The following DEPDC5 variants were observed in gnomAD, a reference collection of about 807,000 sequenced individuals.
The protein encoded by DEPDC5 is GATOR1 complex protein DEPDC5.
DEPDC5 carries 73 observed loss-of-function variants against 217.3 expected under a neutral mutation model. The ratio of observed to expected loss-of-function variants is 0.34; its 90% CI spans 0.28 to 0.41. The LOEUF (loss-of-function observed/expected upper bound fraction) is 0.41. DEPDC5 is among the 10% of genes least tolerant of loss of function. The probability of loss-of-function intolerance (pLI) is 1.00; values close to 1 mark genes in which losing one functional copy is unlikely to be tolerated. For missense variants in DEPDC5, 1,675 were observed against 2,070.1 expected, an observed-to-expected ratio of 0.81 and a Z score of 3.70; for synonymous variants, 733 against 756.7, an observed-to-expected ratio of 0.97 and a Z score of 0.51.
At chr22:31,797,060 CTT>C (rs113613358) in intron 12 of DEPDC5, among the ~76,000 whole-genome samples, 2 of 129,134 alleles carry the variant, frequency 1.5e-5, no homozygotes, top group African/African-American at 2.8e-5. Context: ...CTCACTGAAT[CTT>C]TTTTTTTTTT....
At chr22:31,795,787 A>G (rs1162811179) in intron 12 of DEPDC5, among the ~76,000 whole-genome samples, 2 of 148,732 alleles carry the variant, frequency 1.3e-5, no homozygotes, top group South Asian at 2.1e-4. Flanking sequence ...CTGGAGTGCA[A>G]TGACACGATC....
At chr22:31,795,319 C>T (rs533117715) in intron 12 of DEPDC5, among the ~76,000 whole-genome samples, 77 of 151,948 alleles carry the variant, frequency 5.1e-4, no homozygotes, top group Admixed American at 5.9e-4. Flanking sequence ...ATCCACCGCC[C>T]TCAGCCACCT....
chr22:31,845,236 G>T lies in DEPDC5; in HGVS notation c.3020G>T (p.Arg1007Leu). ...RRRHRSDRMMRKGTAMKGLQM... is the reference protein window; with the variant it reads ...RRRHRSDRMMLKGTAMKGLQM... Reference sequence around the variant, plus strand: ...CGGCATCGCTCGGATCGCATGATGCGGGTAAGGGCTCCTTAGACTCAGGGA... The same window carrying T: ...CGGCATCGCTCGGATCGCATGATGCTGGTAAGGGCTCCTTAGACTCAGGGA... Residue 1007 changes from arginine (R) to leucine (L), a missense_variant and splice_region_variant, in exon 30 of 43, where the codon CGG becomes CTG. Around this residue, in one of 11 missense-constraint regions of DEPDC5, gnomAD observed 293 missense variants for 386.1 expected, o/e 0.76. Coordinates refer to ENST00000651528, the MANE Select transcript of DEPDC5 (RefSeq NM_001242896.3). The T allele has an allele frequency of 1.2e-6, 2 of 1,612,800 alleles. No individual in the cohort carries two copies. The highest frequency in any genetic ancestry group is 1.7e-6 in the Non-Finnish European group (2 of 1,179,444).
chr22:31,769,541 A>G (rs1322521290), intron 7 of DEPDC5: 1 of 152,176 alleles, frequency 6.6e-6, no homozygotes, highest in Non-Finnish European at 1.5e-5. Flanking sequence ...CTTTTTAACT[A>G]TATTGCTGTA....
Position 31,833,927 on chromosome 22 carries a change from G to T in DEPDC5, c.2117G>T (p.Arg706Met), listed in dbSNP as rs1064795377. 1 of 1,594,492 alleles carries T rather than the reference G, an allele frequency of 6.3e-7. No individual in the cohort carries two copies. Among genetic ancestry groups the T allele is most frequent in the Non-Finnish European group, 8.6e-7 (1 of 1,168,736 alleles). ...LSNSGAGMNP[R>M]TQNKDSLEDS... ...TATCTTTCCATAGGTATGAATCCTA[G>T]GACCCAGAATAAGGATTCTCTAGAG... The change falls in exon 25 of 43, where the codon AGG becomes ATG. Residue 706 changes from arginine (R) to methionine (M), a missense_variant. Arg to Met is a moderately conservative substitution (Grantham distance 91). Transcript: ENST00000651528.
At chr22:31,879,255 C>T (rs1257513754) in intron 37 of DEPDC5, among the ~76,000 whole-genome samples, 1 of 151,628 alleles carries the variant, frequency 6.6e-6, no homozygotes, top group Admixed American at 6.6e-5. Flanking sequence ...AGTTCCTGAC[C>T]ATTTTCATCA....
At chr22:31,778,255 C>T (rs2084085070) in intron 8 of DEPDC5, 87 bp downstream of exon 8, 2 of 1,360,622 alleles carry the variant, frequency 1.5e-6, no homozygotes, top group East Asian at 4.7e-5. Context: ...AAGGGCGGGG[C>T]AGGACACCAA....
intron 7 of DEPDC5, among the ~76,000 whole-genome samples, chr22:31,773,346 C>T (rs1308552207): frequency 6.6e-6 from 1 of 152,094 alleles, no homozygotes; most frequent in African/African-American, 2.4e-5. Flanking sequence ...TGCCAGCATG[C>T]CTGGCTCTTT....
At chr22:31,755,306 T>A in intron 2 of DEPDC5, 1 of 358,484 alleles carries the variant, frequency 2.8e-6, no homozygotes. Flanking sequence ...ACTAAAATCG[T>A]TTATCAGTTT....
At chr22:31,869,284 T>G (rs1312485086) in intron 33 of DEPDC5, among the ~76,000 whole-genome samples, 1 of 151,284 alleles carries the variant, frequency 6.6e-6, no homozygotes, top group Non-Finnish European at 1.5e-5. Context: ...GAGGCACAGC[T>G]TGGCAGCTAC....
intron 41 of DEPDC5, among the ~76,000 whole-genome samples, chr22:31,902,277 T>C (rs1369716042): frequency 6.6e-6 from 1 of 151,902 alleles, no homozygotes; most frequent in African/African-American, 2.4e-5. Flanking sequence ...CAGCCGACTG[T>C]GTTGTCTCCA....
intron 34 of DEPDC5, among the ~76,000 whole-genome samples, chr22:31,872,333 G>A (rs9619238): frequency 0.012 from 1,848 of 152,238 alleles, 49 homozygotes; most frequent in African/African-American, 0.042. Flanking sequence ...TCAAAGGGTC[G>A]GTGTTAATTA....
chr22:31,798,753 G>T (rs1192716408), intron 14 of DEPDC5, 97 bp downstream of exon 14: 3 of 1,203,716 alleles, frequency 2.5e-6, no homozygotes, highest in Non-Finnish European at 3.5e-6. Flanking sequence ...GAAGGTTCTT[G>T]GATCTTGCAG....
At chr22:31,887,499 A>G (rs1265782923) in intron 38 of DEPDC5, among the ~76,000 whole-genome samples, 1 of 151,244 alleles carries the variant, frequency 6.6e-6, no homozygotes, top group Non-Finnish European at 1.5e-5. Flanking sequence ...GTTTATGTCC[A>G]TAGCAGGTAG....
intron 23 of DEPDC5, 50 bp downstream of exon 23, chr22:31,821,687 C>G: frequency 6.3e-7 from 1 of 1,594,048 alleles, no homozygotes; most frequent in Middle Eastern, 1.7e-4. Context: ...CACTCTCCAG[C>G]ACCCAGGACA....
chr22:31,816,072 G>A, intron 21 of DEPDC5: 1 of 960,006 alleles, frequency 1.0e-6, no homozygotes, highest in Admixed American at 6.2e-5. Context: ...GGCCAAGGCG[G>A]GTGGATCACT....
intron 24 of DEPDC5, among the ~76,000 whole-genome samples, chr22:31,825,903 T>G (rs570804794): frequency 6.6e-6 from 1 of 152,272 alleles, no homozygotes; most frequent in South Asian, 2.1e-4. Context: ...TCCAGGATCT[T>G]AGGACATGAG....
intron 29 of DEPDC5, 69 bp downstream of exon 29, chr22:31,843,881 C>A (rs2091550383): frequency 7.1e-6 from 10 of 1,414,110 alleles, no homozygotes; most frequent in Non-Finnish European, 9.5e-6. Flanking sequence ...TATTTTAACA[C>A]TTTCTGCCCT....
chr22:31,821,965 G>C (rs2089736081), intron 23 of DEPDC5, among the ~76,000 whole-genome samples: 1 of 152,218 alleles, frequency 6.6e-6, no homozygotes, highest in Non-Finnish European at 1.5e-5. Context: ...GATTTGGAAT[G>C]CTGAGACAGG....
Sources: allele counts gnomAD v4.1 joint callset (sites outside exome capture counted in the v4.1 genomes callset), GRCh38; gene constraint gnomAD v4.1.1; regional missense constraint gnomAD v4.1.1; transcripts MANE v1.5; gene names NCBI Gene and HGNC (gene_info 2026-07-23, HGNC 2026-07-21).